Variants in TCP11L2 observed in about 807,000 individuals in gnomAD.
The protein encoded by TCP11L2 is T-complex protein 11-like protein 2.
In TCP11L2, 39 loss-of-function variants were observed where a neutral mutation model predicts 50.7. That is an observed-to-expected ratio of 0.77 (90% CI 0.60 to 1.01). TCP11L2 has a LOEUF of 1.01. Ranked by LOEUF, TCP11L2 falls within the 50% of genes least tolerant of loss-of-function variation. The pLI is 0.00. For synonymous variants in TCP11L2, 192 were observed against 219.3 expected, an observed-to-expected ratio of 0.88 and a Z score of 1.10; for missense variants, 612 against 614.7, an observed-to-expected ratio of 1.00 and a Z score of 0.05.
intron 2 of TCP11L2, among the ~76,000 whole-genome samples, chr12:106,313,234 T>C (rs1180178926): frequency 6.6e-6 from 1 of 152,180 alleles, no homozygotes; most frequent in Non-Finnish European, 1.5e-5. Context: ...TAAATACCAA[T>C]TGGCAAAACT....
At chr12:106,309,605 T>C (rs1266540722) in intron 1 of TCP11L2, among the ~76,000 whole-genome samples, 1 of 151,820 alleles carries the variant, frequency 6.6e-6, no homozygotes, top group East Asian at 1.9e-4. Flanking sequence ...TCTTTTTCTC[T>C]CAACAAAGGC....
chr12:106,334,241 C>T (rs1178740708), intron 6 of TCP11L2, among the ~76,000 whole-genome samples: 4 of 152,108 alleles, frequency 2.6e-5, no homozygotes, highest in Non-Finnish European at 5.9e-5. Context: ...GTCTGTATTA[C>T]AGAGATGTTT....
chr12:106,339,968 G>C (rs2036040636), intron 8 of TCP11L2, among the ~76,000 whole-genome samples: 1 of 152,120 alleles, frequency 6.6e-6, no homozygotes, highest in Non-Finnish European at 1.5e-5. Context: ...TCTGCTAAGA[G>C]CTAAATATTA....
At chr12:106,327,028 A>T (rs1447167416) in intron 6 of TCP11L2, among the ~76,000 whole-genome samples, 1 of 152,236 alleles carries the variant, frequency 6.6e-6, no homozygotes, top group African/African-American at 2.4e-5. Context: ...GGTTGCTTTC[A>T]TTTGTGTACC....
At chr12:106,333,197 A>C (rs2035800992) in intron 6 of TCP11L2, among the ~76,000 whole-genome samples, 1 of 152,204 alleles carries the variant, frequency 6.6e-6, no homozygotes, top group Non-Finnish European at 1.5e-5. Flanking sequence ...TACTATAGTT[A>C]TTTAAGATGC....
intron 1 of TCP11L2, among the ~76,000 whole-genome samples, chr12:106,305,472 C>T (rs987615762): frequency 6.6e-6 from 1 of 152,166 alleles, no homozygotes; most frequent in Non-Finnish European, 1.5e-5. Context: ...ATCGCTTCCA[C>T]CAGCAGCTTA....
At chr12:106,304,693 T>C (rs2034558982) in intron 1 of TCP11L2, among the ~76,000 whole-genome samples, 1 of 152,226 alleles carries the variant, frequency 6.6e-6, no homozygotes, top group South Asian at 2.1e-4. Context: ...GAAATTTCTT[T>C]TTTGCGTGAG....
intron 6 of TCP11L2, among the ~76,000 whole-genome samples, chr12:106,329,001 A>G (rs2035652558): frequency 6.6e-6 from 1 of 152,154 alleles, no homozygotes; most frequent in African/African-American, 2.4e-5. Context: ...CTCACAAAAG[A>G]AAACATGGAA....
At chr12:106,309,172 TG>T (rs992374544) in intron 1 of TCP11L2, among the ~76,000 whole-genome samples, 1 of 152,170 alleles carries the variant, frequency 6.6e-6, no homozygotes, top group African/African-American at 2.4e-5. Flanking sequence ...ATTTAGGATT[TG>T]GGGTTTGGTG....
At chr12:106,301,857 C>G (rs1272052879), upstream of TCP11L2, 4 of 152,212 alleles carry the variant, frequency 2.6e-5, no homozygotes, top group Non-Finnish European at 2.9e-5. Context: ...TTACATTAAC[C>G]AAGGTGGAAA....
intron 1 of TCP11L2, chr12:106,303,458 G>A (rs1017559150): frequency 6.6e-6 from 1 of 152,420 alleles, no homozygotes; most frequent in Non-Finnish European, 1.5e-5. Context: ...CAGGAAACCT[G>A]GTGCTGCTGG....
upstream of TCP11L2, among the ~76,000 whole-genome samples, chr12:106,299,593 A>G (rs1238695987): frequency 2.0e-5 from 3 of 152,206 alleles, no homozygotes; most frequent in African/African-American, 7.2e-5. Flanking sequence ...CCCAGACTGC[A>G]CGAACATGAA....
chr12:106,332,872 G>T (rs1274704847), intron 6 of TCP11L2, among the ~76,000 whole-genome samples: 1 of 152,150 alleles, frequency 6.6e-6, no homozygotes, highest in African/African-American at 2.4e-5. Context: ...AATTTGGGTG[G>T]CAGGTGGACA....
intron 2 of TCP11L2, 23 bp from the exon 3 acceptor site, chr12:106,314,335 A>G (rs2034982085): frequency 1.9e-6 from 3 of 1,591,980 alleles, no homozygotes; most frequent in Non-Finnish European, 2.6e-6. Flanking sequence ...TGCAACATTA[A>G]CTGGCTTTTG....
chr12:106,316,152 A>G (rs2035070863), intron 3 of TCP11L2, among the ~76,000 whole-genome samples: 1 of 152,294 alleles, frequency 6.6e-6, no homozygotes, highest in Admixed American at 6.5e-5. Flanking sequence ...CTCTACTGCT[A>G]CAGCCCTAGG....
chr12:106,303,511 T>G (rs2034506518), intron 1 of TCP11L2: 4 of 152,366 alleles, frequency 2.6e-5, no homozygotes, highest in African/African-American at 7.2e-5. Context: ...TCGTGCAGAC[T>G]GCTGCTGCGT....
At chr12:106,301,901 A>G (rs915861533), upstream of TCP11L2, 9 of 152,258 alleles carry the variant, frequency 5.9e-5, no homozygotes, top group African/African-American at 2.2e-4. Flanking sequence ...CAAGAACCCT[A>G]GAGGAAGTAA....
chr12:106,299,094 G>A (rs769854141), upstream of TCP11L2, among the ~76,000 whole-genome samples: 2 of 152,112 alleles, frequency 1.3e-5, no homozygotes, highest in African/African-American at 2.4e-5. Flanking sequence ...GAGATTACAG[G>A]CCTGAGCCAC....
chr12:106,339,849 A>G (rs1439997835), intron 8 of TCP11L2, among the ~76,000 whole-genome samples: 1 of 152,276 alleles, frequency 6.6e-6, no homozygotes, highest in Non-Finnish European at 1.5e-5. Context: ...GTGGGCTTAT[A>G]ACAAATTCCA....
Sources: gnomAD v4.1 joint callset for allele counts (sites outside exome capture counted in the v4.1 genomes callset) on GRCh38, gnomAD v4.1.1 for gene constraint, MANE v1.5 for transcripts, NCBI Gene and HGNC (gene_info 2026-07-23, HGNC 2026-07-21) for gene names.